BRCC3: variants seen among roughly 807,000 people sequenced by gnomAD.
The protein encoded by BRCC3 is BRCA1/BRCA2-containing complex subunit 3.
BRCC3 carries 15 observed loss-of-function variants against 28.0 expected under a neutral mutation model. The observed-to-expected ratio is 0.54, with a 90% confidence interval of 0.36 to 0.82. The LOEUF (loss-of-function observed/expected upper bound fraction) is 0.82. Among genes scored for constraint, BRCC3 ranks in the 40% least tolerant of loss-of-function variants. The pLI is 0.01. For missense variants in BRCC3, 109 were observed against 225.9 expected (o/e 0.48, Z 3.32); for synonymous variants, 66 against 80.3 (o/e 0.82, Z 0.95).
chrX:155,103,143 G>T (rs1259789425), intron 7 of BRCC3, among the ~76,000 whole-genome samples: 1 of 112,057 alleles, frequency 8.9e-6, no homozygotes, highest in East Asian at 2.8e-4. Flanking sequence ...TTCATTTCTC[G>T]CCTCCTGGCC....
Position 155,077,302 on chromosome X carries a change from G to T in BRCC3, c.315+13G>T. On this transcript the variant is annotated intron_variant, in intron 4 of 10. Coordinates refer to ENST00000330045, the MANE Select transcript of BRCC3 (RefSeq NM_001018055.3). The stretch of plus-strand genomic sequence containing the variant: ...AACAGAGGCAGAGATATCCTTACTG[G>T]TCAATAGAAGCTTTTATGTGCTCTG... The T allele has an allele frequency of 8.6e-7, 1 of 1,167,563 alleles. No homozygotes were observed. Among genetic ancestry groups the T allele is most frequent in the Non-Finnish European group, 1.2e-6 (1 of 867,514 alleles).
At chrX:155,074,845 C>T (rs958161181) in intron 3 of BRCC3, among the ~76,000 whole-genome samples, 1 of 111,242 alleles carries the variant, frequency 9.0e-6, no homozygotes, top group Admixed American at 9.5e-5. Flanking sequence ...TCTCTTGTGT[C>T]TCTTATTAGT....
chrX:155,091,693 A>ATTGT (rs2074176456), intron 7 of BRCC3, among the ~76,000 whole-genome samples: 1 of 111,230 alleles, frequency 9.0e-6, no homozygotes, highest in African/African-American at 3.3e-5. Context: ...TTATTATAGC[A>ATTGT]TTGTTTGAAA....
intron 7 of BRCC3, among the ~76,000 whole-genome samples, chrX:155,114,041 T>G (rs1316612424): frequency 9.0e-6 from 1 of 111,299 alleles, no homozygotes. Flanking sequence ...AGTGGTGCAA[T>G]AAGCCTGTAG....
chrX:155,098,522 G>C (rs1270852286), intron 7 of BRCC3, among the ~76,000 whole-genome samples: 1 of 111,915 alleles, frequency 8.9e-6, no homozygotes, highest in Non-Finnish European at 1.9e-5. Context: ...ATAGCTTGTA[G>C]GCCAGGTTGG....
At chrX:155,109,004 G>A (rs782384571) in intron 7 of BRCC3, among the ~76,000 whole-genome samples, 30 of 111,808 alleles carry the variant, frequency 2.7e-4, no homozygotes, top group Admixed American at 2.5e-3. Context: ...TCTACTTAGT[G>A]TTAACTTTAG....
intron 5 of BRCC3, among the ~76,000 whole-genome samples, chrX:155,084,624 A>G (rs1435387212): frequency 9.0e-6 from 1 of 111,690 alleles, no homozygotes; most frequent in Non-Finnish European, 1.9e-5. Flanking sequence ...TAGCCCTCCA[A>G]AGTGCTGGGA....
chrX:155,107,005 T>A (rs1162009219), intron 7 of BRCC3, among the ~76,000 whole-genome samples: 1 of 112,482 alleles, frequency 8.9e-6, no homozygotes, highest in African/African-American at 3.2e-5. Context: ...TGTATATTTG[T>A]GCTATTTCTT....
chrX:155,094,850 A>G (rs2074199555), intron 7 of BRCC3, among the ~76,000 whole-genome samples: 1 of 112,304 alleles, frequency 8.9e-6, no homozygotes, highest in Non-Finnish European at 1.9e-5. Flanking sequence ...AATATTCCAA[A>G]TACTGGGAAT....
chrX:155,093,452 C>T (rs1435698947), intron 7 of BRCC3, among the ~76,000 whole-genome samples: 3 of 109,233 alleles, frequency 2.7e-5, no homozygotes, highest in African/African-American at 1.0e-4. Flanking sequence ...TAAAACTACA[C>T]TGTAAGGAAA....
intron 7 of BRCC3, among the ~76,000 whole-genome samples, chrX:155,097,781 T>C (rs782425292): frequency 8.9e-6 from 1 of 112,054 alleles, no homozygotes; most frequent in East Asian, 2.8e-4. Flanking sequence ...CCAAATGAAT[T>C]GAAAGCAGGG....
At chrX:155,076,246 G>A (rs147406717) in intron 3 of BRCC3, among the ~76,000 whole-genome samples, 2,041 of 110,798 alleles carry the variant, frequency 0.018, 25 homozygotes, top group African/African-American at 0.048. Flanking sequence ...ACAAAAAGCC[G>A]GGCATGGTGG....
chrX:155,081,187 C>CAGGCA (rs782205347), intron 5 of BRCC3, among the ~76,000 whole-genome samples: 1 of 110,439 alleles, frequency 9.1e-6, no homozygotes, highest in African/African-American at 3.3e-5. Flanking sequence ...AAAAATTAGA[C>CAGGCA]AGGCATGGTG....
intron 7 of BRCC3, among the ~76,000 whole-genome samples, chrX:155,091,807 A>G (rs1485468538): frequency 9.0e-5 from 10 of 111,120 alleles, no homozygotes; most frequent in African/African-American, 3.3e-4. Flanking sequence ...AAAAAAAAAA[A>G]GCAAGGAAGC....
intron 7 of BRCC3, among the ~76,000 whole-genome samples, chrX:155,094,053 ATTTT>A (rs782264117): frequency 9.1e-6 from 1 of 110,118 alleles, no homozygotes; most frequent in Non-Finnish European, 1.9e-5. Flanking sequence ...TCCTCTGATA[ATTTT>A]TTTTTGTTTA....
chrX:155,103,135 C>G (rs1190317991), intron 7 of BRCC3, among the ~76,000 whole-genome samples: 2 of 112,624 alleles, frequency 1.8e-5, no homozygotes, highest in African/African-American at 6.4e-5. Flanking sequence ...ATCATACTTT[C>G]ATTTCTCGCC....
intron 5 of BRCC3, among the ~76,000 whole-genome samples, chrX:155,082,456 A>G (rs2074091607): frequency 8.9e-6 from 1 of 112,483 alleles, no homozygotes; most frequent in Non-Finnish European, 1.9e-5. Context: ...CAAAGACTTT[A>G]AAATTTCATC....
At chrX:155,102,014 A>C (rs1365709504) in intron 7 of BRCC3, among the ~76,000 whole-genome samples, 1 of 112,762 alleles carries the variant, frequency 8.9e-6, no homozygotes, top group African/African-American at 3.2e-5. Flanking sequence ...TTATTACAGA[A>C]TAATATTAAA....
intron 7 of BRCC3, among the ~76,000 whole-genome samples, chrX:155,109,916 C>A (rs2074309834): frequency 9.0e-6 from 1 of 111,430 alleles, no homozygotes; most frequent in Admixed American, 9.5e-5. Context: ...AGGAAGTTCC[C>A]TTGTATTTCT....
Sources: gnomAD v4.1 joint callset for allele counts (sites outside exome capture counted in the v4.1 genomes callset) on GRCh38, gnomAD v4.1.1 for gene constraint, MANE v1.5 for transcripts, NCBI Gene and HGNC (gene_info 2026-07-23, HGNC 2026-07-21) for gene names.